The following SEMA5A variants were observed in gnomAD, a reference collection of about 807,000 sequenced individuals.
The protein encoded by SEMA5A is semaphorin 5A, also known as semaphorin-5A.
A neutral mutation model predicts 135.5 loss-of-function variants in SEMA5A; 55 were observed. That is an observed-to-expected ratio of 0.41 (90% CI 0.33 to 0.51). The LOEUF (loss-of-function observed/expected upper bound fraction) is 0.51. SEMA5A is among the 20% of genes least tolerant of loss of function. SEMA5A has a pLI of 0.37. For missense variants in SEMA5A, 1,290 were observed against 1,419.9 expected (o/e 0.91, Z 1.47); for synonymous variants, 580 against 546.5 (o/e 1.06, Z -0.85).
intron 3 of SEMA5A, among the ~76,000 whole-genome samples, chr5:9,350,305 T>C (rs1307600163): frequency 6.6e-6 from 1 of 152,212 alleles, no homozygotes; most frequent in Non-Finnish European, 1.5e-5. Context: ...AGAACTTTTT[T>C]CTCGGGAACC....
chr5:9,464,853 A>T (rs533996055), intron 1 of SEMA5A, among the ~76,000 whole-genome samples: 1 of 152,378 alleles, frequency 6.6e-6, no homozygotes, highest in Admixed American at 6.5e-5. Context: ...CTTTTGGAGC[A>T]GATGCCAGTG....
chr5:9,148,016 T>C (rs1426002881), intron 12 of SEMA5A, among the ~76,000 whole-genome samples: 1 of 152,194 alleles, frequency 6.6e-6, no homozygotes, highest in Non-Finnish European at 1.5e-5. Context: ...TCCCACAGCT[T>C]GAATGAAGCC....
intron 5 of SEMA5A, among the ~76,000 whole-genome samples, chr5:9,291,454 T>C (rs1751073346): frequency 6.6e-6 from 1 of 152,148 alleles, no homozygotes; most frequent in South Asian, 2.1e-4. Context: ...GGAAGCTTCA[T>C]TTCCAGTCTC....
At position 9,119,021 on chromosome 5, in the gene SEMA5A, G is replaced by A. The variant is rs772781398; in HGVS notation, c.1902C>T (p.Cys634=). 4 of 1,613,338 alleles carry A rather than the reference G, an allele frequency of 2.5e-6. No homozygotes were observed. The highest frequency in any genetic ancestry group is 1.1e-5 in the South Asian group (1 of 91,004). The part of the protein sequence containing the change: ...NPTPRHGGRV[C]VGQNREERYC... ...ACCTTTCCTCGCGGTTCTGTCCCAC[G>A]CACACCCGGCCCCCGTGCCTGGGAG... The change falls in exon 15 of 23, where the codon TGC becomes TGT. Residue 634 remains cysteine (C), a synonymous_variant. Transcript: ENST00000382496.
intron 1 of SEMA5A, among the ~76,000 whole-genome samples, chr5:9,448,777 C>T (rs1027592077): frequency 1.1e-4 from 17 of 152,188 alleles, no homozygotes; most frequent in African/African-American, 1.4e-4. Flanking sequence ...CCTGACATCC[C>T]CGTGTGATGT....
chr5:9,481,715 C>T (rs1452812945), intron 1 of SEMA5A, among the ~76,000 whole-genome samples: 3 of 152,080 alleles, frequency 2.0e-5, no homozygotes, highest in South Asian at 2.1e-4. Context: ...CTAATAATTA[C>T]AGGTGGCGGC....
intron 1 of SEMA5A, among the ~76,000 whole-genome samples, chr5:9,525,729 G>A (rs955093125): frequency 1.5e-4 from 23 of 152,208 alleles, no homozygotes; most frequent in Non-Finnish European, 4.4e-5. Context: ...GAACTAGAAT[G>A]AGAAAACTTT....
At chr5:9,291,858 T>G (rs1451564931) in intron 5 of SEMA5A, among the ~76,000 whole-genome samples, 1 of 151,964 alleles carries the variant, frequency 6.6e-6, no homozygotes, top group Non-Finnish European at 1.5e-5. Context: ...TAAATCACTA[T>G]GTTTTGTGGT....
At chr5:9,074,696 A>G (rs1038441587) in intron 16 of SEMA5A, among the ~76,000 whole-genome samples, 1 of 152,226 alleles carries the variant, frequency 6.6e-6, no homozygotes, top group African/African-American at 2.4e-5. Context: ...AGGCATTTCA[A>G]CAAAGATATG....
At chr5:9,093,863 T>A (rs1739175319) in intron 16 of SEMA5A, among the ~76,000 whole-genome samples, 1 of 152,172 alleles carries the variant, frequency 6.6e-6, no homozygotes, top group Admixed American at 6.5e-5. Context: ...GTGTTAGGTG[T>A]GAATCCCATG....
chr5:9,433,982 A>G (rs569406614), intron 2 of SEMA5A, among the ~76,000 whole-genome samples: 54 of 152,318 alleles, frequency 3.5e-4, no homozygotes, highest in African/African-American at 1.2e-3. Context: ...TTTTTGAAGC[A>G]TGTACTTCAT....
At chr5:9,050,152 G>A (rs1736486349) in intron 21 of SEMA5A, among the ~76,000 whole-genome samples, 1 of 152,182 alleles carries the variant, frequency 6.6e-6, no homozygotes, top group Admixed American at 6.5e-5. Context: ...GGTGGGGCCT[G>A]AGGATCTGCA....
intron 9 of SEMA5A, among the ~76,000 whole-genome samples, chr5:9,200,007 C>G (rs765642164): frequency 6.6e-6 from 1 of 152,124 alleles, no homozygotes; most frequent in African/African-American, 2.4e-5. Context: ...AGCCCAGTAT[C>G]GGACAGCTTT....
At chr5:9,425,482 A>G (rs1757615292) in intron 2 of SEMA5A, among the ~76,000 whole-genome samples, 1 of 152,250 alleles carries the variant, frequency 6.6e-6, no homozygotes, top group African/African-American at 2.4e-5. Context: ...TGACAGCAAC[A>G]GTAGAAGCAC....
At chr5:9,116,485 G>C (rs1254475138) in intron 15 of SEMA5A, among the ~76,000 whole-genome samples, 1 of 152,010 alleles carries the variant, frequency 6.6e-6, no homozygotes, top group African/African-American at 2.4e-5. Flanking sequence ...TAAAAATTAA[G>C]CTAGAGTTAT....
At chr5:9,134,234 C>T (rs755615821) in intron 13 of SEMA5A, among the ~76,000 whole-genome samples, 3 of 152,084 alleles carry the variant, frequency 2.0e-5, no homozygotes, top group Non-Finnish European at 2.9e-5. Flanking sequence ...CAGCCTCAAA[C>T]TCTTAGGCTC....
chr5:9,459,432 CG>C (rs1174299751), intron 1 of SEMA5A, among the ~76,000 whole-genome samples: 1 of 152,158 alleles, frequency 6.6e-6, no homozygotes, highest in Admixed American at 6.5e-5. Flanking sequence ...GAAATCCATA[CG>C]ACAAGGAAGT....
chr5:9,500,970 G>A (rs268502), intron 1 of SEMA5A, among the ~76,000 whole-genome samples: 148,211 of 152,294 alleles, frequency 0.97, 72,324 homozygotes, highest in Non-Finnish European at 1. Flanking sequence ...ATCAAGCTAA[G>A]TTAATATCCT....
chr5:9,122,983 C>T (rs1740898300), intron 13 of SEMA5A, 146 bp from the exon 14 acceptor site: 2 of 682,254 alleles, frequency 2.9e-6, no homozygotes, highest in East Asian at 3.1e-5. Context: ...GGGCCAGGCG[C>T]GGTGGTTCAC....
Sources: gnomAD v4.1 joint callset for allele counts (sites outside exome capture counted in the v4.1 genomes callset) on GRCh38, gnomAD v4.1.1 for gene constraint, MANE v1.5 for transcripts, NCBI Gene and HGNC (gene_info 2026-07-23, HGNC 2026-07-21) for gene names.